ZNF600: variants seen among roughly 807,000 people sequenced by gnomAD.
ZNF600 encodes zinc finger protein KR-ZNF1.
Under a neutral mutation model 7.3 loss-of-function variants are expected in ZNF600, and 4 were observed. The observed-to-expected ratio is 0.55, with a 90% confidence interval of 0.27 to 1.25. The LOEUF (loss-of-function observed/expected upper bound fraction) is 1.25, where lower values mean the gene tolerates loss of function less well. ZNF600 is among the 50% of genes most tolerant of loss of function. The pLI is 0.12. For missense variants in ZNF600, 911 were observed against 922.1 expected (o/e 0.99, Z 0.16); for synonymous variants, 290 against 308.9 (o/e 0.94, Z 0.64).
At chr19:52,817,141 A>C in the ZNF600 span, among the ~76,000 whole-genome samples, 2 of 152,084 alleles carry the variant, frequency 1.3e-5, no homozygotes, top group African/African-American at 4.8e-5. Context: ...AGGAAGCCAA[A>C]GTAGGCGGAT....
the ZNF600 span, chr19:52,808,098 G>C: frequency 6.2e-6 from 10 of 1,613,382 alleles, no homozygotes; most frequent in Non-Finnish European, 7.6e-6. Context: ...CCTCCTGAGA[G>C]AATTCTATGG....
At chr19:52,783,146 C>T (rs930111790) in intron 1 of ZNF600, among the ~76,000 whole-genome samples, 2 of 151,424 alleles carry the variant, frequency 1.3e-5, no homozygotes, top group African/African-American at 4.8e-5. Context: ...GGGAAGCTGC[C>T]TCTGACGCCA....
At chr19:52,798,355 G>C in the ZNF600 span, 1 of 341,684 alleles carries the variant, frequency 2.9e-6, no homozygotes, top group Admixed American at 4.2e-5. Context: ...TCAATGTTAA[G>C]TCAACTCAAA....
At chr19:52,808,642 A>T in the ZNF600 span, among the ~76,000 whole-genome samples, 7 of 150,840 alleles carry the variant, frequency 4.6e-5, no homozygotes, top group South Asian at 2.1e-4. Context: ...AAAAAAAAAA[A>T]TTAAAAAAAA....
the ZNF600 span, among the ~76,000 whole-genome samples, chr19:52,792,257 C>T: frequency 3.3e-5 from 5 of 152,268 alleles, no homozygotes; most frequent in Middle Eastern, 3.4e-3. Flanking sequence ...GTAGGGTGAG[C>T]GTTGGGCTGT....
At chr19:52,792,947 AG>A in the ZNF600 span, among the ~76,000 whole-genome samples, 10 of 151,668 alleles carry the variant, frequency 6.6e-5, no homozygotes, top group Non-Finnish European at 1.0e-4. Flanking sequence ...CGTGTTTGCC[AG>A]GATGGTCTCG....
the ZNF600 span, among the ~76,000 whole-genome samples, chr19:52,794,756 G>C: frequency 6.6e-6 from 1 of 152,098 alleles, no homozygotes; most frequent in Non-Finnish European, 1.5e-5. Context: ...TTGGGAGGCG[G>C]ACTGGGGTGG....
chr19:52,775,178 T>C (rs780858363), intron 2 of ZNF600, among the ~76,000 whole-genome samples: 16 of 152,018 alleles, frequency 1.1e-4, no homozygotes, highest in African/African-American at 3.9e-4. Context: ...AGATGGAGGC[T>C]ACAGTGAGCC....
At chr19:52,774,424 C>G (rs968397481) in intron 3 of ZNF600, among the ~76,000 whole-genome samples, 151 bp downstream of exon 5, 1 of 142,640 alleles carries the variant, frequency 7.0e-6, no homozygotes, top group African/African-American at 2.6e-5. Flanking sequence ...AGCGAAGATC[C>G]ATCTCAAACA....
the ZNF600 span, among the ~76,000 whole-genome samples, chr19:52,824,231 G>A: frequency 2.0e-5 from 3 of 151,964 alleles, no homozygotes; most frequent in Non-Finnish European, 4.4e-5. Flanking sequence ...AAAAACAAAG[G>A]AAATGCCTCC....
the ZNF600 span, among the ~76,000 whole-genome samples, chr19:52,826,849 C>T: frequency 5.9e-5 from 9 of 151,914 alleles, no homozygotes; most frequent in Admixed American, 2.0e-4. Context: ...CACTGCCATC[C>T]AGCCTGGCGA....
the ZNF600 span, chr19:52,797,697 GATTAAAAACATAT>G: frequency 7.2e-5 from 11 of 153,806 alleles, no homozygotes; most frequent in Non-Finnish European, 5.9e-5. Flanking sequence ...TGATCAAAAT[GATTAAAAACATAT>G]AAATACACAT....
intron 1 of ZNF600, among the ~76,000 whole-genome samples, chr19:52,779,121 C>A (rs557252997): frequency 6.6e-6 from 1 of 152,144 alleles, no homozygotes; most frequent in Non-Finnish European, 1.5e-5. Flanking sequence ...TGGAGAAGCC[C>A]CCACACACTA....
chr19:52,817,378 A>T, the ZNF600 span, among the ~76,000 whole-genome samples: 3 of 152,172 alleles, frequency 2.0e-5, no homozygotes, highest in Non-Finnish European at 2.9e-5. Flanking sequence ...GCTTCAAAAA[A>T]AATAATAATA....
At chr19:52,767,153 G>A in exon 4 of ZNF600, 2 of 1,614,170 alleles carry the variant, frequency 1.2e-6, no homozygotes, top group Non-Finnish European at 1.7e-6. Flanking sequence ...GGTATTGCTT[G>A]TGATTAAAGA....
chr19:52,783,108 T>A (rs1280890159), intron 1 of ZNF600, among the ~76,000 whole-genome samples: 1 of 149,746 alleles, frequency 6.7e-6, no homozygotes, highest in Non-Finnish European at 1.5e-5. Context: ...GTCAAGTCAC[T>A]GTCCTCTGGC....
At chr19:52,832,961 G>A in the ZNF600 span, among the ~76,000 whole-genome samples, 1 of 152,088 alleles carries the variant, frequency 6.6e-6, no homozygotes, top group East Asian at 1.9e-4. Flanking sequence ...TATTAGAGAT[G>A]AGGTTTTACC....
exon 4 of ZNF600, chr19:52,766,985 T>G (rs1178974183): frequency 9.3e-6 from 15 of 1,613,696 alleles, no homozygotes; most frequent in Non-Finnish European, 1.3e-5. Context: ...GGGCTGAATT[T>G]TGACCAAAGA....
At chr19:52,822,902 C>T in the ZNF600 span, among the ~76,000 whole-genome samples, 2 of 152,066 alleles carry the variant, frequency 1.3e-5, no homozygotes, top group Non-Finnish European at 2.9e-5. Flanking sequence ...GAACACAAAG[C>T]TTGAGGATAG....
Sources: gnomAD v4.1 joint callset for allele counts (sites outside exome capture counted in the v4.1 genomes callset) on GRCh38, gnomAD v4.1.1 for gene constraint, MANE v1.5 for transcripts, NCBI Gene and HGNC (gene_info 2026-07-23, HGNC 2026-07-21) for gene names.